PHLPP1: variants seen among roughly 807,000 people sequenced by gnomAD.
PHLPP1 encodes PH domain and leucine rich repeat protein phosphatase 1.
A neutral mutation model predicts 117.2 loss-of-function variants in PHLPP1; 42 were observed. The observed-to-expected ratio is 0.36, with a 90% CI of 0.28 to 0.46. The LOEUF (loss-of-function observed/expected upper bound fraction) is 0.46, where lower values mean the gene tolerates loss of function less well. PHLPP1 is among the 20% of genes least tolerant of loss of function. The pLI is 1.00. For missense variants in PHLPP1, 2,084 were observed against 2,241.9 expected (o/e 0.93, Z 1.42); for synonymous variants, 1,042 against 970.7 (o/e 1.07, Z -1.37).
intron 14 of PHLPP1, 61 bp from the exon 15 acceptor site, chr18:62,972,453 T>C: frequency 6.8e-7 from 1 of 1,472,408 alleles, no homozygotes; most frequent in Non-Finnish European, 9.3e-7. Context: ...AAATAAGCAC[T>C]GGGCTGGGCC....
rs28706189 is a variant in PHLPP1, at chr18:62,830,481, G to A, written c.1773+250G>A. Among the ~76,000 whole-genome samples the A allele has an allele frequency of 5.4e-3, 828 of 152,104 alleles. 4 individuals are homozygous for A. The highest frequency in any genetic ancestry group is 0.019 in the African/African-American group (792 of 41,510). On this transcript the variant is annotated intron_variant, in intron 2 of 16. Transcript: ENST00000262719. The stretch of plus-strand genomic sequence containing the variant: ...TGACCTCAAGTGATCTGCCCACCTC[G>A]GCCTCCCAAAGTGCTGGGATTACAG...
chr18:62,836,444 TA>T (rs1914901195), intron 2 of PHLPP1, among the ~76,000 whole-genome samples: 4 of 58,780 alleles, frequency 6.8e-5, no homozygotes, highest in African/African-American at 3.4e-4. Context: ...AATAAATAAA[TA>T]AATAAATAAA....
chr18:62,808,892 C>T (rs1385193722), intron 1 of PHLPP1, among the ~76,000 whole-genome samples: 1 of 152,106 alleles, frequency 6.6e-6, no homozygotes, highest in Non-Finnish European at 1.5e-5. Flanking sequence ...GTACACTGTA[C>T]TTTTTCTATT....
chr18:62,852,656 G>GT (rs1416897682), intron 3 of PHLPP1, among the ~76,000 whole-genome samples: 1 of 152,080 alleles, frequency 6.6e-6, no homozygotes. Context: ...TGACAGCAGT[G>GT]TTTCACTTCA....
intron 1 of PHLPP1, among the ~76,000 whole-genome samples, chr18:62,818,519 C>G (rs922197484): frequency 5.3e-5 from 8 of 152,098 alleles, no homozygotes; most frequent in Admixed American, 1.3e-4. Flanking sequence ...CACAGCAAGA[C>G]TCCATCTCAA....
At chr18:62,784,054 A>G (rs1913205409) in intron 1 of PHLPP1, among the ~76,000 whole-genome samples, 1 of 152,164 alleles carries the variant, frequency 6.6e-6, no homozygotes, top group African/African-American at 2.4e-5. Flanking sequence ...AAGGTTGTGC[A>G]TTTTTAAGAT....
chr18:62,852,413 G>A (rs967062228), intron 3 of PHLPP1, among the ~76,000 whole-genome samples: 1 of 152,018 alleles, frequency 6.6e-6, no homozygotes, highest in African/African-American at 2.4e-5. Flanking sequence ...GCCCAATCTC[G>A]GCTCACTGCG....
chr18:62,822,266 T>TTTTTTTTTG (rs1568127998), intron 1 of PHLPP1, among the ~76,000 whole-genome samples: 6 of 131,274 alleles, frequency 4.6e-5, no homozygotes, highest in Non-Finnish European at 6.5e-5. Flanking sequence ...GAAAATAGTG[T>TTTTTTTTTG]TTTTTTTTTT....
chr18:62,945,783 T>C (rs1910265849), intron 12 of PHLPP1, among the ~76,000 whole-genome samples: 1 of 152,206 alleles, frequency 6.6e-6, no homozygotes, highest in Admixed American at 6.5e-5. Flanking sequence ...CGGAATGAAA[T>C]TGGCAGAGCA....
chr18:62,825,922 A>T (rs566776420), intron 1 of PHLPP1, among the ~76,000 whole-genome samples: 1 of 152,216 alleles, frequency 6.6e-6, no homozygotes, highest in Non-Finnish European at 1.5e-5. Context: ...GATGAAAAAG[A>T]TAAAAGGCAA....
At chr18:62,817,652 G>GA (rs893267716) in intron 1 of PHLPP1, among the ~76,000 whole-genome samples, 1 of 151,360 alleles carries the variant, frequency 6.6e-6, no homozygotes, top group African/African-American at 2.4e-5. Flanking sequence ...TATGAGGTCA[G>GA]AAAAAAAATT....
intron 1 of PHLPP1, among the ~76,000 whole-genome samples, chr18:62,822,274 T>TGTTTTG (rs1363646086): frequency 2.3e-4 from 33 of 142,602 alleles, no homozygotes; most frequent in African/African-American, 3.6e-4. Flanking sequence ...TGTTTTTTTT[T>TGTTTTG]TTTTTGTTTT....
intron 4 of PHLPP1, among the ~76,000 whole-genome samples, chr18:62,884,701 G>A (rs571842987): frequency 1.7e-4 from 26 of 152,280 alleles, no homozygotes; most frequent in African/African-American, 5.3e-4. Context: ...ACTGTGAAAC[G>A]GAAATTTATT....
At chr18:62,834,942 TA>T (rs970697615) in intron 2 of PHLPP1, among the ~76,000 whole-genome samples, 9 of 152,158 alleles carry the variant, frequency 5.9e-5, no homozygotes, top group African/African-American at 1.2e-4. Context: ...CAGCATTTTT[TA>T]AAAAATCGTA....
intron 1 of PHLPP1, among the ~76,000 whole-genome samples, chr18:62,819,521 AAC>A (rs1301029992): frequency 2.0e-5 from 3 of 152,236 alleles, no homozygotes; most frequent in African/African-American, 7.2e-5. Context: ...TTTCAATTCA[AAC>A]ACATCTATAT....
chr18:62,954,546 C>T (rs935365190), intron 12 of PHLPP1, among the ~76,000 whole-genome samples: 14 of 152,148 alleles, frequency 9.2e-5, no homozygotes, highest in Non-Finnish European at 1.3e-4. Context: ...TGCTTCTAAG[C>T]GTGTTGCTCA....
intron 3 of PHLPP1, among the ~76,000 whole-genome samples, chr18:62,843,269 A>G (rs1036553640): frequency 4.6e-5 from 7 of 152,226 alleles, no homozygotes; most frequent in Non-Finnish European, 1.0e-4. Context: ...GTTTCTGATT[A>G]TTAGTAACTG....
intron 3 of PHLPP1, among the ~76,000 whole-genome samples, chr18:62,846,028 AC>A (rs1024132774): frequency 1.6e-4 from 24 of 151,698 alleles, no homozygotes; most frequent in African/African-American, 5.8e-4. Context: ...AGAAGGTGAA[AC>A]CCCGTCTCCA....
chr18:62,860,723 A>G, intron 4 of PHLPP1, 122 bp downstream of exon 4: 1 of 750,040 alleles, frequency 1.3e-6, no homozygotes, highest in Non-Finnish European at 2.1e-6. Flanking sequence ...TTCAGATAAC[A>G]GGGTAATAGG....
Sources: gnomAD v4.1 joint callset for allele counts (sites outside exome capture counted in the v4.1 genomes callset) on GRCh38, gnomAD v4.1.1 for gene constraint, MANE v1.5 for transcripts, NCBI Gene and HGNC (gene_info 2026-07-23, HGNC 2026-07-21) for gene names.